The following PEAK1 variants were observed in gnomAD, a reference collection of about 807,000 sequenced individuals.
PEAK1 encodes the protein pseudopodium enriched atypical kinase 1.
A neutral mutation model predicts 124.7 loss-of-function variants in PEAK1; 54 were observed. The ratio of observed to expected loss-of-function variants is 0.43; its 90% confidence interval spans 0.35 to 0.54. The LOEUF (loss-of-function observed/expected upper bound fraction) is 0.54. Among genes scored for constraint, PEAK1 ranks in the 20% least tolerant of loss-of-function variants. PEAK1 has a pLI of 0.01. For synonymous variants in PEAK1, 719 were observed against 760.0 expected, an observed-to-expected ratio of 0.95 and a Z score of 0.89; for missense variants, 2,046 against 2,134.5, an observed-to-expected ratio of 0.96 and a Z score of 0.82.
At chr15:77,400,563 G>A (rs1369105373) in intron 1 of PEAK1, among the ~76,000 whole-genome samples, 1 of 152,006 alleles carries the variant, frequency 6.6e-6, no homozygotes, top group Non-Finnish European at 1.5e-5. Flanking sequence ...AAGCAGAGAA[G>A]GACAAACTTT....
In PEAK1 at chr15:77,143,529, C is replaced by T. The variant is rs78728225; in HGVS notation, c.3332-9779G>A. Among the ~76,000 whole-genome samples, 365 of 152,276 alleles carry T rather than the reference C, an allele frequency of 2.4e-3. 1 individual carries two copies. The highest frequency in any genetic ancestry group is 8.3e-3 in the African/African-American group (345 of 41,552). Reference sequence around the variant, plus strand: ...TGGCCCCGATATACCTGTTTCTCGTCGCATTTCCTCTTATATCCTAAGTCA... The same window carrying T: ...TGGCCCCGATATACCTGTTTCTCGTTGCATTTCCTCTTATATCCTAAGTCA... On this transcript the variant is annotated intron_variant, in intron 8 of 9. Transcript: ENST00000682557.
intron 1 of PEAK1, among the ~76,000 whole-genome samples, chr15:77,380,224 G>A (rs1313871373): frequency 6.6e-6 from 1 of 152,042 alleles, no homozygotes; most frequent in Non-Finnish European, 1.5e-5. Flanking sequence ...ACCTGCCCTG[G>A]TAATCAATAA....
At chr15:77,243,214 A>G (rs1204119635) in intron 6 of PEAK1, among the ~76,000 whole-genome samples, 1 of 152,236 alleles carries the variant, frequency 6.6e-6, no homozygotes, top group Non-Finnish European at 1.5e-5. Flanking sequence ...TTAAGCAAAT[A>G]TACTAAAGCA....
At chr15:77,413,981 A>C (rs2142145548) in intron 1 of PEAK1, among the ~76,000 whole-genome samples, 1 of 151,614 alleles carries the variant, frequency 6.6e-6, no homozygotes, top group South Asian at 2.1e-4. Context: ...ATGCCACCAC[A>C]CCCGGCTAAT....
downstream of PEAK1, chr15:77,103,856 G>A (rs1042639702): frequency 6.6e-6 from 1 of 152,262 alleles, no homozygotes; most frequent in Non-Finnish European, 1.5e-5. Context: ...GTGTTGGCCT[G>A]GCGATCCCAT....
intron 7 of PEAK1, among the ~76,000 whole-genome samples, chr15:77,170,234 T>C (rs1165296420): frequency 1.3e-5 from 2 of 152,132 alleles, no homozygotes; most frequent in Non-Finnish European, 2.9e-5. Context: ...GGTGGTTTAC[T>C]ATACTAGTCT....
chr15:77,379,738 G>A (rs200813150), intron 1 of PEAK1, among the ~76,000 whole-genome samples: 13 of 152,114 alleles, frequency 8.5e-5, no homozygotes, highest in East Asian at 7.7e-4. Flanking sequence ...TTTAGAAAAC[G>A]GGCCAGAAAC....
At chr15:77,254,463 C>T (rs955674166) in intron 5 of PEAK1, among the ~76,000 whole-genome samples, 2 of 152,050 alleles carry the variant, frequency 1.3e-5, no homozygotes, top group African/African-American at 4.8e-5. Flanking sequence ...GGCAGGGTCT[C>T]ACTCTGTCAT....
intron 6 of PEAK1, among the ~76,000 whole-genome samples, chr15:77,251,113 A>C (rs1364052003): frequency 1.3e-5 from 2 of 152,204 alleles, no homozygotes; most frequent in Non-Finnish European, 2.9e-5. Flanking sequence ...GCAAATGATT[A>C]TCTCTCAAAA....
At chr15:77,190,506 C>T (rs545669744) in intron 6 of PEAK1, among the ~76,000 whole-genome samples, 122 of 152,262 alleles carry the variant, frequency 8.0e-4, no homozygotes, top group Middle Eastern at 6.8e-3. Context: ...GTAAAGTTTA[C>T]ATCTAAAATA....
chr15:77,174,439 C>T (rs147843088), intron 7 of PEAK1, among the ~76,000 whole-genome samples: 1 of 152,126 alleles, frequency 6.6e-6, no homozygotes, highest in East Asian at 1.9e-4. Flanking sequence ...CAAATGTTGA[C>T]ATTTGATGGT....
At chr15:77,120,900 C>T (rs995966086) in intron 9 of PEAK1, among the ~76,000 whole-genome samples, 5 of 152,162 alleles carry the variant, frequency 3.3e-5, no homozygotes, top group African/African-American at 9.7e-5. Flanking sequence ...CCTTGTCACC[C>T]CTCATCTGCC....
chr15:77,336,260 T>C, intron 2 of PEAK1: 1 of 985,360 alleles, frequency 1.0e-6, no homozygotes, highest in Non-Finnish European at 1.2e-6. Flanking sequence ...AAGAATCTAA[T>C]CATTTACATC....
chr15:77,153,515 G>T (rs984880496), intron 8 of PEAK1, among the ~76,000 whole-genome samples: 24 of 151,928 alleles, frequency 1.6e-4, no homozygotes, highest in African/African-American at 5.6e-4. Context: ...GTTATTTCTT[G>T]CCTTCTGCTA....
chr15:77,313,759 T>A, intron 2 of PEAK1, among the ~76,000 whole-genome samples: 1 of 145,646 alleles, frequency 6.9e-6, no homozygotes, highest in Non-Finnish European at 1.5e-5. Context: ...TTTATTTATT[T>A]TTAGTAGAGA....
intron 6 of PEAK1, among the ~76,000 whole-genome samples, chr15:77,206,564 T>C (rs958330679): frequency 1.3e-5 from 2 of 151,928 alleles, no homozygotes; most frequent in Non-Finnish European, 2.9e-5. Context: ...GATTTGCATT[T>C]CTCTGATAGC....
chr15:77,226,934 T>C (rs960529919), intron 6 of PEAK1, among the ~76,000 whole-genome samples: 1 of 152,198 alleles, frequency 6.6e-6, no homozygotes, highest in Non-Finnish European at 1.5e-5. Flanking sequence ...ATGGTATGTC[T>C]GAACTCTGGA....
intron 1 of PEAK1, chr15:77,418,245 C>G: frequency 1.0e-6 from 1 of 985,330 alleles, no homozygotes; most frequent in Non-Finnish European, 1.2e-6. Flanking sequence ...TAGAACACAG[C>G]CACACATAAA....
chr15:77,333,038 T>C (rs2141256559), intron 2 of PEAK1: 3 of 963,192 alleles, frequency 3.1e-6, no homozygotes, highest in African/African-American at 1.8e-5. Flanking sequence ...ACATTAAAGG[T>C]GTTAAATTTT....
Sources: allele counts gnomAD v4.1 joint callset (sites outside exome capture counted in the v4.1 genomes callset), GRCh38; gene constraint gnomAD v4.1.1; transcripts MANE v1.5; gene names NCBI Gene and HGNC (gene_info 2026-07-23, HGNC 2026-07-21).